CNBD1: variants seen among roughly 807,000 people sequenced by gnomAD.
The protein encoded by CNBD1 is cyclic nucleotide binding domain containing 1.
A neutral mutation model predicts 54.4 loss-of-function variants in CNBD1; 71 were observed. The ratio of observed to expected loss-of-function variants is 1.30; its 90% CI spans 1.08 to 1.59. CNBD1 has a LOEUF of 1.59. CNBD1 is among the 40% of genes most tolerant of loss of function. The pLI, the probability that CNBD1 is intolerant of heterozygous loss-of-function variation, is 0.00. For synonymous variants in CNBD1, 182 were observed against 170.7 expected (o/e 1.07, Z -0.51); for missense variants, 659 against 518.0 (o/e 1.27, Z -2.64).
intron 4 of CNBD1, among the ~76,000 whole-genome samples, chr8:87,061,551 T>C (rs1810547999): frequency 6.6e-6 from 1 of 152,244 alleles, no homozygotes; most frequent in Non-Finnish European, 1.5e-5. Flanking sequence ...TTAATGGCAC[T>C]TCTTTCACAA....
chr8:87,054,910 G>A (rs1450035235), intron 4 of CNBD1, among the ~76,000 whole-genome samples: 1 of 152,214 alleles, frequency 6.6e-6, no homozygotes, highest in Non-Finnish European at 1.5e-5. Flanking sequence ...TTGTAAGACT[G>A]GAAGTTACCC....
intron 4 of CNBD1, among the ~76,000 whole-genome samples, chr8:87,060,504 GC>G (rs1405634055): frequency 6.6e-6 from 1 of 152,110 alleles, no homozygotes; most frequent in Admixed American, 6.5e-5. Context: ...ATCCACTCAT[GC>G]CTGGTGTACT....
At chr8:87,113,958 T>C (rs1811719775) in intron 4 of CNBD1, among the ~76,000 whole-genome samples, 1 of 152,034 alleles carries the variant, frequency 6.6e-6, no homozygotes, top group Non-Finnish European at 1.5e-5. Context: ...GATGGCACTA[T>C]GCCTCTTAGT....
intron 4 of CNBD1, among the ~76,000 whole-genome samples, chr8:87,050,813 G>T (rs770956467): frequency 1.3e-5 from 2 of 152,186 alleles, no homozygotes; most frequent in Non-Finnish European, 2.9e-5. Flanking sequence ...ATTGGATGTT[G>T]CAGGGGCTGT....
chr8:87,411,913 G>A (rs1807752925), intron 2 of CNBD1, among the ~76,000 whole-genome samples: 1 of 151,828 alleles, frequency 6.6e-6, no homozygotes, highest in African/African-American at 2.4e-5. Flanking sequence ...TAAGCAATTT[G>A]TTTAAAAAAG....
chr8:87,089,540 G>C (rs1205535776), intron 4 of CNBD1, among the ~76,000 whole-genome samples: 5 of 152,078 alleles, frequency 3.3e-5, no homozygotes, highest in Non-Finnish European at 7.4e-5. Flanking sequence ...GGGATTAAGA[G>C]ACATATTTGA....
At chr8:86,905,796 G>A (rs1397725867) in intron 3 of CNBD1, among the ~76,000 whole-genome samples, 1 of 152,138 alleles carries the variant, frequency 6.6e-6, no homozygotes, top group Non-Finnish European at 1.5e-5. Flanking sequence ...ATTGTCCCTG[G>A]CTCCAGTGGA....
intron 9 of CNBD1, 88 bp from the exon 10 acceptor site, chr8:87,353,548 G>C: frequency 1.2e-6 from 1 of 829,386 alleles, no homozygotes; most frequent in Non-Finnish European, 1.9e-6. Context: ...TAGTAAAATG[G>C]TTTATGAGTG....
At chr8:87,126,969 CTTG>C (rs1224353827) in intron 4 of CNBD1, among the ~76,000 whole-genome samples, 1 of 151,570 alleles carries the variant, frequency 6.6e-6, no homozygotes, top group Non-Finnish European at 1.5e-5. Flanking sequence ...TTTTGGGGGT[CTTG>C]TTGTGAAGAC....
intron 4 of CNBD1, among the ~76,000 whole-genome samples, chr8:87,150,311 G>A (rs543717879): frequency 2.6e-5 from 4 of 152,300 alleles, no homozygotes; most frequent in Middle Eastern, 3.4e-3. Context: ...AAAAATGACC[G>A]TACAATAGAG....
chr8:86,871,732 C>A (rs6468519), intron 1 of CNBD1, among the ~76,000 whole-genome samples: 70,774 of 151,982 alleles, frequency 0.47, 16,734 homozygotes, highest in East Asian at 0.56. Context: ...TACAGCTTTC[C>A]ATAAGGACAC....
At chr8:87,137,482 G>A (rs1017802195) in intron 4 of CNBD1, among the ~76,000 whole-genome samples, 4 of 151,866 alleles carry the variant, frequency 2.6e-5, no homozygotes, top group Non-Finnish European at 5.9e-5. Flanking sequence ...GATTACAGGC[G>A]TGAGCCACCG....
intron 8 of CNBD1, among the ~76,000 whole-genome samples, chr8:87,297,797 A>G (rs568109552): frequency 3.4e-4 from 52 of 152,122 alleles, no homozygotes; most frequent in African/African-American, 1.2e-3. Flanking sequence ...TGTTGCACTA[A>G]TAAATCTGTT....
At chr8:87,120,253 G>A (rs776904457) in intron 4 of CNBD1, among the ~76,000 whole-genome samples, 24 of 151,982 alleles carry the variant, frequency 1.6e-4, no homozygotes, top group Admixed American at 3.3e-4. Flanking sequence ...CTTGCTACTC[G>A]TTATTGGTCT....
chr8:86,946,059 ATTAC>A (rs2130437646), intron 4 of CNBD1, among the ~76,000 whole-genome samples: 1 of 152,260 alleles, frequency 6.6e-6, no homozygotes, highest in South Asian at 2.1e-4. Context: ...CCCCAAACAT[ATTAC>A]TTCGTCCATT....
chr8:87,330,553 T>C (rs1384731950), intron 8 of CNBD1, among the ~76,000 whole-genome samples: 1 of 152,146 alleles, frequency 6.6e-6, no homozygotes, highest in Non-Finnish European at 1.5e-5. Flanking sequence ...ATGTGTTGTT[T>C]AGCGGTGTGT....
chr8:87,228,976 G>A (rs552786477), intron 5 of CNBD1, among the ~76,000 whole-genome samples: 23 of 152,342 alleles, frequency 1.5e-4, no homozygotes, highest in Non-Finnish European at 3.1e-4. Context: ...GAAAAGCGCG[G>A]TATTCGGGTG....
chr8:86,929,661 A>T (rs1329254696), intron 3 of CNBD1, among the ~76,000 whole-genome samples: 1 of 152,190 alleles, frequency 6.6e-6, no homozygotes, highest in Non-Finnish European at 1.5e-5. Flanking sequence ...TTGAAGCATC[A>T]GTCCCTCAAG....
At chr8:87,415,162 C>T (rs989994861) in intron 2 of CNBD1, among the ~76,000 whole-genome samples, 22 of 152,066 alleles carry the variant, frequency 1.4e-4, no homozygotes, top group Non-Finnish European at 3.2e-4. Flanking sequence ...TCTGCACCTG[C>T]TTTAGTGTAT....
Sources: gnomAD v4.1 joint callset for allele counts (sites outside exome capture counted in the v4.1 genomes callset) on GRCh38, gnomAD v4.1.1 for gene constraint, MANE v1.5 for transcripts, NCBI Gene and HGNC (gene_info 2026-07-23, HGNC 2026-07-21) for gene names.